DMD: variants seen among roughly 807,000 people sequenced by gnomAD.
DMD encodes the protein mutant dystrophin.
DMD carries 63 observed loss-of-function variants against 330.1 expected under a neutral mutation model. The ratio of observed to expected loss-of-function variants is 0.19; its 90% CI spans 0.16 to 0.24. The LOEUF is 0.24. DMD is among the 10% of genes least tolerant of loss of function. The pLI is 1.00. For synonymous variants in DMD, 1,223 were observed against 959.8 expected (o/e 1.27, Z -5.07); for missense variants, 3,344 against 2,684.1 (o/e 1.25, Z -5.43).
intron 30 of DMD, among the ~76,000 whole-genome samples, chrX:32,403,483 A>G (rs2098098976): frequency 8.9e-6 from 1 of 112,007 alleles, no homozygotes; most frequent in African/African-American, 3.2e-5. Context: ...TCAAAATAAT[A>G]TGAAAGAAAT....
intron 62 of DMD, among the ~76,000 whole-genome samples, chrX:31,299,091 G>A (rs1017490132): frequency 9.0e-6 from 1 of 111,192 alleles, no homozygotes; most frequent in African/African-American, 3.3e-5. Flanking sequence ...ACATGAACTC[G>A]CTGTTTTAAC....
At chrX:32,529,398 TTTTTTTTTTTTTTTTTTTG>T (rs2047263280) in intron 17 of DMD, among the ~76,000 whole-genome samples, 1 of 66,958 alleles carries the variant, frequency 1.5e-5, no homozygotes, top group Non-Finnish European at 2.8e-5. Flanking sequence ...TTTTTTTTTT[TTTTTTTTTTTTTTTTTTTG>T]AGACAAAGTC....
chrX:32,198,698 C>T (rs7058785), intron 44 of DMD, among the ~76,000 whole-genome samples: 12,789 of 111,227 alleles, frequency 0.11, 612 homozygotes, highest in East Asian at 0.16. Flanking sequence ...TAAAACCTAC[C>T]GTGAGTTCAC....
chrX:33,194,917 G>A (rs1399108211), intron 1 of DMD, among the ~76,000 whole-genome samples: 1 of 111,521 alleles, frequency 9.0e-6, no homozygotes, highest in East Asian at 2.8e-4. Context: ...AAACATTTAA[G>A]TGCAAAAATA....
intron 17 of DMD, among the ~76,000 whole-genome samples, chrX:32,536,443 C>G (rs751223281): frequency 9.0e-6 from 1 of 110,894 alleles, no homozygotes; most frequent in South Asian, 3.8e-4. Context: ...GAAACAGAAG[C>G]TTAAGAAAGC....
At chrX:31,668,262 A>G (rs1334399907) in intron 53 of DMD, among the ~76,000 whole-genome samples, 2 of 111,092 alleles carry the variant, frequency 1.8e-5, no homozygotes, top group African/African-American at 6.5e-5. Context: ...CAAAAGTTTT[A>G]ATTTTGTTAA....
At position 32,389,274 on chromosome X, in the gene DMD, C is replaced by A. The variant is rs113320797; in HGVS notation, c.4518+227G>T. ...TTTAAAGAATCATAAAAATTAAACA[C>A]AAGCAACATCCTTTTATATTCTGCA... On this transcript the variant is annotated intron_variant, in intron 32 of 78. Transcript: ENST00000357033. Among the ~76,000 whole-genome samples the A allele has an allele frequency of 0.013, 1,420 of 111,554 alleles. 23 individuals are homozygous for A. The highest frequency in any genetic ancestry group is 0.042 in the African/African-American group (1,301 of 30,733).
upstream of DMD, among the ~76,000 whole-genome samples, chrX:33,212,530 TTGAG>T (rs2051957219): frequency 8.9e-6 from 1 of 112,006 alleles, no homozygotes; most frequent in South Asian, 3.7e-4. Flanking sequence ...AAATTTTTGT[TTGAG>T]TGTTTTTATT....
chrX:32,743,192 G>T (rs1342468135), intron 7 of DMD, among the ~76,000 whole-genome samples: 1 of 111,394 alleles, frequency 9.0e-6, no homozygotes, highest in Non-Finnish European at 1.9e-5. Context: ...GCAGGAGTTG[G>T]TGTATAAATA....
chrX:32,947,783 C>G (rs770898801), intron 2 of DMD, among the ~76,000 whole-genome samples: 13 of 111,019 alleles, frequency 1.2e-4, no homozygotes, highest in African/African-American at 3.9e-4. Context: ...ACCCAGGCCT[C>G]TAATGAGGAT....
chrX:32,838,920 A>G (rs1320191180), intron 4 of DMD, among the ~76,000 whole-genome samples: 1 of 112,194 alleles, frequency 8.9e-6, no homozygotes, highest in Non-Finnish European at 1.9e-5. Flanking sequence ...CAATCCTGTT[A>G]CTGGGTATAT....
At chrX:33,237,817 GAATT>G (rs1603423392) in intron 1 of DMD, among the ~76,000 whole-genome samples, 1 of 112,048 alleles carries the variant, frequency 8.9e-6, no homozygotes, top group African/African-American at 3.2e-5. Flanking sequence ...CAATTAAAAT[GAATT>G]AATTTTTGTA....
chrX:32,680,164 G>A (rs1215866446), intron 9 of DMD, among the ~76,000 whole-genome samples: 2 of 108,760 alleles, frequency 1.8e-5, no homozygotes, highest in East Asian at 2.9e-4. Flanking sequence ...CGCCTGCTTC[G>A]GCCTCCCAGA....
intron 41 of DMD, among the ~76,000 whole-genome samples, chrX:32,314,793 A>G (rs1385607616): frequency 1.8e-5 from 2 of 112,001 alleles, no homozygotes; most frequent in Non-Finnish European, 3.8e-5. Context: ...AAAAAACCTC[A>G]TCATCACTGG....
At chrX:32,254,875 G>T (rs1052087352) in intron 43 of DMD, among the ~76,000 whole-genome samples, 1 of 111,793 alleles carries the variant, frequency 8.9e-6, no homozygotes, top group Non-Finnish European at 1.9e-5. Context: ...ACCATTGTAA[G>T]TGTATACAGT....
chrX:31,202,223 A>G (rs1033822860), intron 67 of DMD, among the ~76,000 whole-genome samples: 8 of 111,928 alleles, frequency 7.1e-5, no homozygotes, highest in African/African-American at 2.6e-4. Context: ...CAACCAAAAG[A>G]TTAGGAAATA....
chrX:32,447,041 C>T (rs995312841), intron 27 of DMD, among the ~76,000 whole-genome samples: 1 of 110,543 alleles, frequency 9.0e-6, no homozygotes. Context: ...TAATGAATCA[C>T]GGAGTATCAT....
intron 60 of DMD, among the ~76,000 whole-genome samples, chrX:31,366,998 A>AT: frequency 9.0e-6 from 1 of 110,630 alleles, no homozygotes; most frequent in South Asian, 3.9e-4. Context: ...ACTTTTCTCT[A>AT]TTGTAGTCTC....
At chrX:32,580,848 A>T (rs1160305142) in intron 13 of DMD, among the ~76,000 whole-genome samples, 1 of 110,859 alleles carries the variant, frequency 9.0e-6, no homozygotes, top group Non-Finnish European at 1.9e-5. Context: ...TTTCTTTGAG[A>T]CAGAGTCTTT....
Sources: allele counts gnomAD v4.1 joint callset (sites outside exome capture counted in the v4.1 genomes callset), GRCh38; gene constraint gnomAD v4.1.1; transcripts MANE v1.5; gene names NCBI Gene and HGNC (gene_info 2026-07-23, HGNC 2026-07-21).